ZNF506: variants seen among roughly 807,000 people sequenced by gnomAD.
ZNF506 encodes the protein zinc finger protein 506.
ZNF506 carries 10 observed loss-of-function variants against 11.6 expected under a neutral mutation model. That is an observed-to-expected ratio of 0.86 (90% CI 0.53 to 1.46). The LOEUF is 1.46. Ranked by LOEUF, ZNF506 falls within the 40% of genes most tolerant of loss-of-function variation. ZNF506 has a pLI of 0.00. For missense variants in ZNF506, 425 were observed against 521.2 expected (o/e 0.82, Z 1.80); for synonymous variants, 156 against 173.3 (o/e 0.90, Z 0.78).
intron 1 of ZNF506, among the ~76,000 whole-genome samples, chr19:19,817,609 T>G (rs1290037480): frequency 6.6e-6 from 1 of 152,028 alleles, no homozygotes; most frequent in Non-Finnish European, 1.5e-5. Flanking sequence ...ATGGCTGGGG[T>G]GAGCAGGCTG....
At chr19:19,808,031 G>A (rs543999682) in intron 1 of ZNF506, among the ~76,000 whole-genome samples, 4 of 139,156 alleles carry the variant, frequency 2.9e-5, no homozygotes, top group Non-Finnish European at 6.1e-5. Context: ...GCTGCATAAA[G>A]ATACTTAATA....
At chr19:19,815,312 G>C (rs2062921253) in intron 1 of ZNF506, among the ~76,000 whole-genome samples, 1 of 152,106 alleles carries the variant, frequency 6.6e-6, no homozygotes, top group Admixed American at 6.5e-5. Flanking sequence ...TGAGGTTCCT[G>C]AGGGTGGTGC....
At chr19:19,814,441 G>C (rs2062912275) in intron 1 of ZNF506, among the ~76,000 whole-genome samples, 1 of 83,094 alleles carries the variant, frequency 1.2e-5, no homozygotes, top group Non-Finnish European at 2.4e-5. Flanking sequence ...TAATAATGCA[G>C]AAACAGAAAA....
chr19:19,815,495 G>C (rs2062923081), intron 1 of ZNF506, among the ~76,000 whole-genome samples: 1 of 152,114 alleles, frequency 6.6e-6, no homozygotes, highest in Non-Finnish European at 1.5e-5. Context: ...AGGACAACGG[G>C]CAGTGTGACA....
chr19:19,818,938 A>G (rs559340825), intron 1 of ZNF506, among the ~76,000 whole-genome samples: 2 of 152,322 alleles, frequency 1.3e-5, no homozygotes, highest in East Asian at 3.9e-4. Flanking sequence ...CAGTGAGCTG[A>G]GATCGAGCCA....
intron 1 of ZNF506, among the ~76,000 whole-genome samples, chr19:19,814,494 C>G (rs1227429743): frequency 1.3e-5 from 2 of 151,728 alleles, no homozygotes; most frequent in South Asian, 2.1e-4. Context: ...TAAATAATAA[C>G]AACACATGAA....
In ZNF506 at chr19:19,795,829, C is replaced by T. The variant is rs371958378; in HGVS notation, c.227-169G>A. The T allele has an allele frequency of 2.4e-5, 16 of 670,814 alleles. No homozygotes were observed. The African/African-American group carries it at 2.6e-4, about 11-fold the overall frequency. 41.6% of individuals were successfully genotyped at this position (670,814 alleles called of 1,614,324 possible). ...ATAACTGTAACAAAAACATACTGACCAAAATACATTTGTAAAAAATTTATA... is the reference window on the plus strand; with the variant it reads ...ATAACTGTAACAAAAACATACTGACTAAAATACATTTGTAAAAAATTTATA... On this transcript the variant is annotated intron_variant, in intron 3 of 3. Transcript: ENST00000540806.
chr19:19,800,620 T>C (rs952888449), intron 3 of ZNF506, among the ~76,000 whole-genome samples: 1 of 151,006 alleles, frequency 6.6e-6, no homozygotes, highest in African/African-American at 2.4e-5. Context: ...TTTCCCCATG[T>C]TGGCCAGGAT....
chr19:19,809,907 T>A (rs1259243315), intron 1 of ZNF506, among the ~76,000 whole-genome samples: 5 of 152,204 alleles, frequency 3.3e-5, no homozygotes, highest in African/African-American at 1.2e-4. Flanking sequence ...AGGCACTTCA[T>A]TAAACAACAT....
At chr19:19,814,005 T>C (rs976041027) in intron 1 of ZNF506, among the ~76,000 whole-genome samples, 2 of 151,858 alleles carry the variant, frequency 1.3e-5, no homozygotes, top group African/African-American at 2.4e-5. Context: ...AAATAAAAGA[T>C]TTAGTAAAAA....
At chr19:19,797,142 A>G (rs1297591449) in intron 3 of ZNF506, 1 of 148,682 alleles carries the variant, frequency 6.7e-6, no homozygotes, top group East Asian at 2.0e-4. Context: ...ATAATTTTTA[A>G]AATTCCAAAT....
chr19:19,801,167 AAT>A (rs1383036464), intron 3 of ZNF506, among the ~76,000 whole-genome samples: 2 of 152,064 alleles, frequency 1.3e-5, no homozygotes, highest in Non-Finnish European at 2.9e-5. Flanking sequence ...TTTTAAAAAA[AAT>A]AAAAAAAGAA....
chr19:19,813,534 G>A (rs887523324), intron 1 of ZNF506, among the ~76,000 whole-genome samples: 76 of 152,184 alleles, frequency 5.0e-4, no homozygotes, highest in African/African-American at 1.7e-3. Flanking sequence ...TTTGACCCAG[G>A]AACCTCATAA....
At chr19:19,798,512 G>A (rs1159718798) in intron 3 of ZNF506, 1 of 151,550 alleles carries the variant, frequency 6.6e-6, no homozygotes, top group African/African-American at 2.4e-5. Context: ...AAAATTAGCC[G>A]GGTGTAGAGG....
intron 1 of ZNF506, among the ~76,000 whole-genome samples, chr19:19,809,894 A>C (rs1429093104): frequency 2.6e-5 from 4 of 152,180 alleles, no homozygotes; most frequent in Non-Finnish European, 5.9e-5. Context: ...TTAGAGTCAT[A>C]TGAGGCACTT....
intron 1 of ZNF506, among the ~76,000 whole-genome samples, chr19:19,816,601 ACCCGCCTTGGCCT>A (rs1307990229): frequency 6.6e-6 from 1 of 151,308 alleles, no homozygotes; most frequent in African/African-American, 2.4e-5. Flanking sequence ...CTCGTGATTC[ACCCGCCTTGGCCT>A]CCCAAAGTGC....
chr19:19,815,044 T>C (rs2062918466), intron 1 of ZNF506, among the ~76,000 whole-genome samples: 1 of 151,856 alleles, frequency 6.6e-6, no homozygotes, highest in South Asian at 2.1e-4. Flanking sequence ...GATCACGAGG[T>C]CAGGAGATCG....
intron 1 of ZNF506, among the ~76,000 whole-genome samples, chr19:19,814,725 G>A (rs899202158): frequency 5.3e-5 from 8 of 152,122 alleles, no homozygotes; most frequent in Non-Finnish European, 1.2e-4. Context: ...ATCCCTGGGT[G>A]GGAGAGAGTG....
chr19:19,792,906 A>G lies in ZNF506; in HGVS notation c.*1646T>C, dbSNP rs931062397. 2.6e-5 allele frequency among the ~76,000 whole-genome samples: 4 copies of G among 152,078 alleles called. No individual in the cohort carries two copies. Among genetic ancestry groups the G allele is most frequent in the African/African-American group, 9.7e-5 (4 of 41,338 alleles). On this transcript the variant is annotated 3_prime_UTR_variant, in exon 4 of 4. Transcript: ENST00000540806. The stretch of plus-strand genomic sequence containing the variant: ...ACATTACTTAATATAAGTTAACTAC[A>G]AAGAGCCTCTCCACTTACATTTTTA...
Sources: gnomAD v4.1 joint callset for allele counts (sites outside exome capture counted in the v4.1 genomes callset) on GRCh38, gnomAD v4.1.1 for gene constraint, MANE v1.5 for transcripts, NCBI Gene and HGNC (gene_info 2026-07-23, HGNC 2026-07-21) for gene names.